TMEM135: variants seen among roughly 807,000 people sequenced by gnomAD.
TMEM135 encodes the protein transmembrane protein 135, also known as peroxisomal membrane protein 52.
In TMEM135, 30 loss-of-function variants were observed where a neutral mutation model predicts 60.3. The observed-to-expected ratio is 0.50, with a 90% CI of 0.37 to 0.68. The LOEUF (loss-of-function observed/expected upper bound fraction) is 0.68, where lower values mean the gene tolerates loss of function less well. Ranked by LOEUF, TMEM135 falls within the 30% of genes least tolerant of loss-of-function variation. The pLI is 0.00. For synonymous variants in TMEM135, 190 were observed against 186.7 expected (o/e 1.02, Z -0.14); for missense variants, 468 against 548.8 (o/e 0.85, Z 1.47).
intron 5 of TMEM135, among the ~76,000 whole-genome samples, chr11:87,235,078 A>G (rs1293634319): frequency 6.6e-6 from 1 of 152,046 alleles, no homozygotes; most frequent in Non-Finnish European, 1.5e-5. Context: ...ATTTAAAAAA[A>G]TTGAGTGTCA....
rs1941290798 is a variant in TMEM135, at chr11:87,246,909, T to G, written c.509+10225T>G. Among the ~76,000 whole-genome samples the G allele has an allele frequency of 1.6e-5, 2 of 128,350 alleles. 1 individual carries two copies. The highest frequency in any genetic ancestry group is 1.6e-4 in the Admixed American group (2 of 12,628). 84.2% of individuals were successfully genotyped at this position (128,350 alleles called of 152,430 possible). On this transcript the variant is annotated intron_variant, in intron 6 of 14. Coordinates refer to ENST00000305494, the MANE Select transcript of TMEM135 (RefSeq NM_022918.4). ...ATTGCTGGTGAGGAGCTGCGTTCCT[T>G]TGGAGGAGGAGCGGCACTCTGCTTT...
In TMEM135 at chr11:87,322,899, G is replaced by A. The variant is rs1290616500; in HGVS notation, c.*1566G>A. 2.2e-5 allele frequency: 10 copies of A among 454,214 alleles called. No homozygotes were observed. The highest frequency in any genetic ancestry group is 4.0e-5 in the Non-Finnish European group (9 of 226,712). The allele number at this position is 454,214 out of a possible 1,614,324, so 28.1% of individuals were successfully genotyped here. ...CTGTTTATTTGGCAATGCTGTTAAA[G>A]GATCATTTCGGTTTCAGACTTCAAA... On this transcript the variant is annotated 3_prime_UTR_variant, in exon 15 of 15. Transcript: ENST00000305494.
chr11:87,092,276 AC>A (rs1413255484), intron 4 of TMEM135, among the ~76,000 whole-genome samples: 1 of 152,186 alleles, frequency 6.6e-6, no homozygotes, highest in African/African-American at 2.4e-5. Flanking sequence ...TATGAAAAGG[AC>A]TGAAAGATGA....
intron 6 of TMEM135, among the ~76,000 whole-genome samples, chr11:87,280,677 T>G (rs544255205): frequency 6.6e-6 from 1 of 152,328 alleles, no homozygotes; most frequent in Admixed American, 6.5e-5. Context: ...TGTAATATCA[T>G]TATTTGATTG....
rs766673422 is a variant in TMEM135, at chr11:87,038,156, G to A, written c.111G>A (p.Glu37=). 3 of 1,614,110 alleles carry A rather than the reference G, an allele frequency of 1.9e-6. No individual in the cohort carries two copies. Among genetic ancestry groups the A allele is most frequent in the South Asian group, 2.2e-5 (2 of 91,074 alleles). Residue 37 remains glutamate (E), a synonymous_variant, in exon 1 of 15, where the codon GAG becomes GAA. Coordinates refer to ENST00000305494, the MANE Select transcript of TMEM135 (RefSeq NM_022918.4). ...FLQITGGALE[E]SLKIYAPLYL... ...AGATCACCGGGGGCGCCCTGGAGGA[G>A]TCCCTGAAGATCTATGCTCCTCTGT...
intron 5 of TMEM135, among the ~76,000 whole-genome samples, chr11:87,195,387 T>TC (rs1565482212): frequency 0.021 from 1,478 of 70,724 alleles, 97 homozygotes; most frequent in Admixed American, 0.038. Flanking sequence ...CCTTCCTTCC[T>TC]TCCTTCTCTC....
At chr11:87,162,274 A>G (rs1228764778) in intron 5 of TMEM135, among the ~76,000 whole-genome samples, 1 of 151,834 alleles carries the variant, frequency 6.6e-6, no homozygotes, top group African/African-American at 2.4e-5. Context: ...CAGAACGTGC[A>G]GGTTTGTTGC....
At chr11:87,268,227 C>T (rs183768905) in intron 6 of TMEM135, among the ~76,000 whole-genome samples, 1 of 111,798 alleles carries the variant, frequency 8.9e-6, no homozygotes, top group Admixed American at 9.3e-5. Context: ...TACTCTGTCT[C>T]TCAGGCAGGC....
intron 6 of TMEM135, among the ~76,000 whole-genome samples, chr11:87,263,836 A>C (rs1470718071): frequency 3.3e-5 from 5 of 152,170 alleles, no homozygotes; most frequent in Admixed American, 6.5e-5. Flanking sequence ...TTTACTTTCA[A>C]ATACCATTAA....
intron 5 of TMEM135, among the ~76,000 whole-genome samples, chr11:87,167,190 T>G (rs1939077392): frequency 6.6e-6 from 1 of 152,218 alleles, no homozygotes; most frequent in Non-Finnish European, 1.5e-5. Context: ...GCCTGTCAGC[T>G]TAAGGAGATT....
intron 5 of TMEM135, among the ~76,000 whole-genome samples, chr11:87,213,423 TGA>T (rs1304367131): frequency 1.3e-5 from 2 of 152,176 alleles, no homozygotes; most frequent in South Asian, 2.1e-4. Context: ...TAGAGTGTAA[TGA>T]GAAGTCAGCA....
At chr11:87,096,199 C>T in intron 4 of TMEM135, 1 of 306,102 alleles carries the variant, frequency 3.3e-6, no homozygotes, top group Non-Finnish European at 6.5e-6. Flanking sequence ...CCGTTAAACT[C>T]TTCTACAAAT....
chr11:87,313,007 T>A (rs1942667353), intron 10 of TMEM135, among the ~76,000 whole-genome samples: 1 of 151,878 alleles, frequency 6.6e-6, no homozygotes, highest in Admixed American at 6.6e-5. Flanking sequence ...TTCTCAGCTT[T>A]TATCTGTCTG....
At chr11:87,239,580 G>A (rs2135377232) in intron 6 of TMEM135, among the ~76,000 whole-genome samples, 1 of 152,072 alleles carries the variant, frequency 6.6e-6, no homozygotes, top group Admixed American at 6.6e-5. Context: ...AAGTTGGATA[G>A]TCAAATGATA....
chr11:87,293,352 G>A lies in TMEM135; in HGVS notation c.510-2430G>A, dbSNP rs78607454. ...ACATGACTAGAAAGTAGATCATGTT[G>A]CTTAATTGAAATTGAGTTTTTAAGT... On this transcript the variant is annotated intron_variant, in intron 6 of 14. Transcript: ENST00000305494. Among the ~76,000 whole-genome samples the A allele has an allele frequency of 6.4e-3, 973 of 151,792 alleles. 7 individuals are homozygous for A. Among genetic ancestry groups the A allele is most frequent in the Non-Finnish European group, 0.012 (805 of 67,958 alleles).
chr11:87,075,371 G>T (rs1373606565), intron 3 of TMEM135, among the ~76,000 whole-genome samples: 2 of 152,016 alleles, frequency 1.3e-5, no homozygotes, highest in South Asian at 2.1e-4. Context: ...AACCAGGATG[G>T]TTTCGATCTC....
intron 6 of TMEM135, among the ~76,000 whole-genome samples, 190 bp from the exon 7 acceptor site, chr11:87,295,592 G>T (rs1052495940): frequency 2.6e-5 from 4 of 152,076 alleles, no homozygotes; most frequent in African/African-American, 4.8e-5. Flanking sequence ...ACATAGGAAG[G>T]CATTATCATA....
chr11:87,109,550 C>T (rs1262113961), intron 4 of TMEM135, among the ~76,000 whole-genome samples: 1 of 152,110 alleles, frequency 6.6e-6, no homozygotes, highest in African/African-American at 2.4e-5. Context: ...ATGATGTAGG[C>T]ATTGTGACAT....
chr11:87,140,289 G>A (rs573706494), intron 4 of TMEM135, among the ~76,000 whole-genome samples: 7 of 151,900 alleles, frequency 4.6e-5, no homozygotes, highest in Admixed American at 2.0e-4. Context: ...GGATGGTCTC[G>A]ATCTCCTGAC....
Sources: gnomAD v4.1 joint callset for allele counts (sites outside exome capture counted in the v4.1 genomes callset) on GRCh38, gnomAD v4.1.1 for gene constraint, MANE v1.5 for transcripts, NCBI Gene and HGNC (gene_info 2026-07-23, HGNC 2026-07-21) for gene names.